The following PHF21A variants were observed in gnomAD, a reference collection of about 807,000 sequenced individuals.
PHF21A encodes BHC80a.
Under a neutral mutation model 82.5 loss-of-function variants are expected in PHF21A, and 11 were observed. The ratio of observed to expected loss-of-function variants is 0.13; its 90% confidence interval spans 0.08 to 0.22. The LOEUF (loss-of-function observed/expected upper bound fraction) is 0.22. PHF21A is among the 10% of genes least tolerant of loss of function. PHF21A has a pLI of 1.00. For synonymous variants in PHF21A, 297 were observed against 302.8 expected, an observed-to-expected ratio of 0.98 and a Z score of 0.20; for missense variants, 579 against 837.8, an observed-to-expected ratio of 0.69 and a Z score of 3.81.
intron 3 of PHF21A, among the ~76,000 whole-genome samples, chr11:46,084,685 T>A (rs896301408): frequency 6.6e-6 from 1 of 151,462 alleles, no homozygotes; most frequent in African/African-American, 2.4e-5. Flanking sequence ...TCATAATTTT[T>A]TTTTTTTTTT....
intron 1 of PHF21A, among the ~76,000 whole-genome samples, chr11:46,107,492 C>G (rs7932691): frequency 0.75 from 114,198 of 152,168 alleles, 45,463 homozygotes; most frequent in Non-Finnish European, 0.9. Flanking sequence ...AAAACGTTGA[C>G]TACTCTATAG....
At chr11:46,113,488 G>A (rs573201457) in intron 1 of PHF21A, among the ~76,000 whole-genome samples, 3 of 152,258 alleles carry the variant, frequency 2.0e-5, no homozygotes, top group Non-Finnish European at 4.4e-5. Context: ...GTTTTTTAAA[G>A]TTTGAATGGA....
intron 1 of PHF21A, among the ~76,000 whole-genome samples, chr11:46,104,311 A>G (rs1266094562): frequency 6.6e-6 from 1 of 152,202 alleles, no homozygotes; most frequent in Non-Finnish European, 1.5e-5. Context: ...TTAAGACTTG[A>G]GAGTTACAAT....
chr11:45,968,289 GC>G (rs2093567311), intron 9 of PHF21A, among the ~76,000 whole-genome samples: 1 of 152,176 alleles, frequency 6.6e-6, no homozygotes, highest in African/African-American at 2.4e-5. Context: ...GCTTGAAAAT[GC>G]TTTAATGAAT....
chr11:46,046,565 A>G (rs1037898445), intron 6 of PHF21A, among the ~76,000 whole-genome samples: 2 of 152,218 alleles, frequency 1.3e-5, no homozygotes, highest in Non-Finnish European at 2.9e-5. Context: ...ATTAGAAGCC[A>G]TTCTAAGGCA....
chr11:46,114,540 A>G (rs1380587278), intron 1 of PHF21A, among the ~76,000 whole-genome samples: 1 of 152,240 alleles, frequency 6.6e-6, no homozygotes, highest in Non-Finnish European at 1.5e-5. Flanking sequence ...ACGGGCTACT[A>G]TAAAGGATTT....
intron 1 of PHF21A, chr11:46,116,582 T>C (rs908079038): frequency 1.3e-5 from 2 of 151,928 alleles, no homozygotes; most frequent in African/African-American, 4.8e-5. Flanking sequence ...TTTTTTAAAT[T>C]ATGAGAAACT....
At chr11:45,972,261 C>A (rs2093805528) in intron 7 of PHF21A, among the ~76,000 whole-genome samples, 1 of 152,002 alleles carries the variant, frequency 6.6e-6, no homozygotes, top group African/African-American at 2.4e-5. Context: ...CTTTTCTAGA[C>A]TTTTTACTAG....
At chr11:45,985,852 T>C (rs976729760) in intron 6 of PHF21A, among the ~76,000 whole-genome samples, 1 of 152,138 alleles carries the variant, frequency 6.6e-6, no homozygotes, top group African/African-American at 2.4e-5. Context: ...TTTTGAGATT[T>C]GGGGACATAA....
At position 46,121,207 on chromosome 11, in the gene PHF21A, CTGTT is replaced by C. The variant is rs1005817028; in HGVS notation, c.-513_-510del. On this transcript the variant is annotated 5_prime_UTR_variant, in exon 1 of 19. Transcript: ENST00000676320. ...CTCTCTCTCTCTCTCTCTCTCTGGG[CTGTT>C]TCTTTCCTCCTCTTCCCCAGGCAAG... The C allele has an allele frequency of 8.7e-5, 4 of 45,830 alleles. No individual in the cohort carries two copies. The highest frequency in any genetic ancestry group is 1.4e-4 in the Non-Finnish European group (3 of 22,180). 2.8% of individuals were successfully genotyped at this position (45,830 alleles called of 1,614,324 possible). A position where few individuals can be genotyped will look rare whatever the true frequency, so the allele number is the denominator to read the frequency against.
intron 1 of PHF21A, chr11:46,119,695 C>T (rs1308242340): frequency 6.6e-6 from 1 of 151,942 alleles, no homozygotes; most frequent in Non-Finnish European, 1.5e-5. Flanking sequence ...CAACCCCTCC[C>T]CTACCAGGGC....
At chr11:46,100,125 ATAAG>A (rs1328501024) in intron 1 of PHF21A, among the ~76,000 whole-genome samples, 3 of 152,246 alleles carry the variant, frequency 2.0e-5, no homozygotes, top group African/African-American at 7.2e-5. Context: ...AATCACGCTG[ATAAG>A]TAAGTAGTCC....
At chr11:45,979,220 C>T (rs761176797) in intron 7 of PHF21A, among the ~76,000 whole-genome samples, 4 of 151,902 alleles carry the variant, frequency 2.6e-5, no homozygotes, top group East Asian at 1.9e-4. Flanking sequence ...AGTTTCACCA[C>T]GTTGGCCAGG....
chr11:45,980,064 T>A, intron 6 of PHF21A, 98 bp from the exon 7 acceptor site: 3 of 1,538,928 alleles, frequency 1.9e-6, no homozygotes, highest in Non-Finnish European at 2.6e-6. Flanking sequence ...AATAGCTTCA[T>A]CTAAAACTTA....
intron 1 of PHF21A, among the ~76,000 whole-genome samples, chr11:46,107,917 T>C (rs184240080): frequency 1.2e-4 from 18 of 152,052 alleles, no homozygotes; most frequent in African/African-American, 4.3e-4. Context: ...GTTGAGTGAG[T>C]AGGGATAGGT....
chr11:45,993,415 G>A (rs2094786929), intron 6 of PHF21A, among the ~76,000 whole-genome samples: 1 of 152,042 alleles, frequency 6.6e-6, no homozygotes, highest in African/African-American at 2.4e-5. Flanking sequence ...ATTCAGATGG[G>A]GAGAGTGAGG....
chr11:46,055,558 T>A (rs1056520158), intron 6 of PHF21A, among the ~76,000 whole-genome samples: 1 of 152,160 alleles, frequency 6.6e-6, no homozygotes, highest in African/African-American at 2.4e-5. Context: ...TTTCTTTCCA[T>A]TGACCTTTCC....
intron 6 of PHF21A, among the ~76,000 whole-genome samples, chr11:46,037,743 T>A (rs4755347): frequency 0.15 from 22,390 of 151,898 alleles, 3,465 homozygotes; most frequent in East Asian, 0.62. Context: ...GTTTGTGGGA[T>A]TTTTCTCTTT....
intron 10 of PHF21A, among the ~76,000 whole-genome samples, chr11:45,956,753 A>T (rs2092672155): frequency 6.6e-6 from 1 of 152,214 alleles, no homozygotes; most frequent in African/African-American, 2.4e-5. Flanking sequence ...GTATTACAGG[A>T]AATGAAGAAC....
Sources: gnomAD v4.1 joint callset for allele counts (sites outside exome capture counted in the v4.1 genomes callset) on GRCh38, gnomAD v4.1.1 for gene constraint, MANE v1.5 for transcripts, NCBI Gene and HGNC (gene_info 2026-07-23, HGNC 2026-07-21) for gene names.